ANK3: variants seen among roughly 807,000 people sequenced by gnomAD.
ANK3 encodes ankyrin 3.
Under a neutral mutation model 370.9 loss-of-function variants are expected in ANK3, and 57 were observed. The ratio of observed to expected loss-of-function variants is 0.15; its 90% CI spans 0.12 to 0.19. The LOEUF is 0.19. Among genes scored for constraint, ANK3 ranks in the 10% least tolerant of loss-of-function variants. The pLI is 1.00. For synonymous variants in ANK3, 1,929 were observed against 1,946.3 expected (o/e 0.99, Z 0.23); for missense variants, 4,439 against 5,302.1 (o/e 0.84, Z 5.06).
At chr10:60,365,744 T>C (rs1006016880) in intron 1 of ANK3, among the ~76,000 whole-genome samples, 7 of 152,118 alleles carry the variant, frequency 4.6e-5, no homozygotes, top group Non-Finnish European at 1.0e-4. Context: ...ATCTTATACA[T>C]GAGGAAATTG....
chr10:60,054,544 C>T (rs761361553), intron 42 of ANK3, among the ~76,000 whole-genome samples: 17 of 152,080 alleles, frequency 1.1e-4, no homozygotes, highest in Non-Finnish European at 1.9e-4. Context: ...TGATCTAGAA[C>T]TAAACTTCCT....
chr10:60,208,347 C>A (rs1040839894), intron 9 of ANK3, 114 bp from the exon 10 acceptor site: 4 of 894,958 alleles, frequency 4.5e-6, no homozygotes, highest in African/African-American at 1.7e-5. Context: ...ATGAAAATAC[C>A]TTCTATTTGT....
chr10:60,268,783 G>A (rs1245686630), intron 5 of ANK3, among the ~76,000 whole-genome samples: 3 of 152,058 alleles, frequency 2.0e-5, no homozygotes, highest in Admixed American at 2.0e-4. Flanking sequence ...AGTATTGTAG[G>A]AAAGTTCTGG....
chr10:60,147,337 T>A (rs2132236157), intron 23 of ANK3, among the ~76,000 whole-genome samples: 1 of 152,334 alleles, frequency 6.6e-6, no homozygotes, highest in African/African-American at 2.4e-5. Context: ...ATTCACTTCC[T>A]GCCCCCTTCA....
chr10:60,158,965 C>T (rs1315140991), intron 23 of ANK3, among the ~76,000 whole-genome samples: 1 of 151,710 alleles, frequency 6.6e-6, no homozygotes, highest in Non-Finnish European at 1.5e-5. Flanking sequence ...CATGAGCCAC[C>T]GTGCCCAGCC....
At position 60,070,370 on chromosome 10, in the gene ANK3, G is replaced by A; in HGVS notation, c.10511C>T (p.Thr3504Ile). The part of the protein sequence containing the change: ...TDQKSGAQFF[T>I]LEGRHPDRSV... The stretch of plus-strand genomic sequence containing the variant: ...TCTGTCAGGATGTCTGCCTTCCAGT[G>A]TGAAGAACTGGGCCCCTGACTTCTG... The change falls in exon 37 of 44, where the codon ACA (threonine) becomes ATA (isoleucine). Residue 3504 changes from threonine to isoleucine, a missense_variant. Physicochemically the swap from Thr to Ile is moderately conservative, Grantham distance 89. Around this residue, in one of 13 missense-constraint regions of ANK3, gnomAD observed 1,601 missense variants for 1,731.7 expected, o/e 0.92. Coordinates refer to ENST00000280772, the MANE Select transcript of ANK3 (RefSeq NM_020987.5). The surrounding 1 kb of genome is among the most constrained non-coding windows in gnomAD (Gnocchi z 5.7). The A allele has an allele frequency of 1.9e-6, 3 of 1,614,080 alleles. No homozygotes were observed. The highest frequency in any genetic ancestry group is 2.5e-6 in the Non-Finnish European group (3 of 1,180,008).
intron 2 of ANK3, among the ~76,000 whole-genome samples, chr10:60,470,180 G>T (rs1406163902): frequency 6.6e-6 from 1 of 152,094 alleles, no homozygotes. Context: ...TGAAGCATTT[G>T]AGCATTGAAG....
At chr10:60,686,794 ATGC>A (rs2079274018) in intron 1 of ANK3, among the ~76,000 whole-genome samples, 1 of 152,206 alleles carries the variant, frequency 6.6e-6, no homozygotes, top group Non-Finnish European at 1.5e-5. Flanking sequence ...TGTAACAAGC[ATGC>A]ATAAACTTAG....
intron 30 of ANK3, among the ~76,000 whole-genome samples, chr10:60,085,610 C>CTTTTTTTTT (rs10601268): frequency 1.8e-5 from 2 of 109,922 alleles, no homozygotes; most frequent in Non-Finnish European, 1.8e-5. Context: ...GTCTCTTACT[C>CTTTTTTTTT]TTTTTTTTTT....
intron 8 of ANK3, among the ~76,000 whole-genome samples, chr10:60,217,944 G>A (rs974531033): frequency 6.6e-6 from 1 of 152,124 alleles, no homozygotes; most frequent in African/African-American, 2.4e-5. Flanking sequence ...ATCTTTTATT[G>A]GGTGCCTATA....
At chr10:60,419,330 T>A (rs2132947715) in intron 2 of ANK3, among the ~76,000 whole-genome samples, 1 of 152,230 alleles carries the variant, frequency 6.6e-6, no homozygotes, top group African/African-American at 2.4e-5. Context: ...AAAATTTAAA[T>A]GATCTCAGAG....
chr10:60,562,730 C>T (rs2077367719), intron 2 of ANK3, among the ~76,000 whole-genome samples: 1 of 152,038 alleles, frequency 6.6e-6, no homozygotes. Flanking sequence ...TAGCTATTAA[C>T]ATAGCCATGG....
chr10:60,589,803 A>G (rs1021513776), intron 2 of ANK3, among the ~76,000 whole-genome samples: 1 of 152,200 alleles, frequency 6.6e-6, no homozygotes, highest in Non-Finnish European at 1.5e-5. Flanking sequence ...TATCACCACC[A>G]TTTTTTAAAT....
At chr10:60,210,559 A>C (rs775588192) in intron 9 of ANK3, among the ~76,000 whole-genome samples, 5 of 152,200 alleles carry the variant, frequency 3.3e-5, no homozygotes, top group Non-Finnish European at 5.9e-5. Flanking sequence ...TAAGAAGTCT[A>C]TCCTCAGTGC....
intron 12 of ANK3, 174 bp from the exon 13 acceptor site, chr10:60,200,401 T>C (rs1249626624): frequency 6.1e-6 from 4 of 656,190 alleles, no homozygotes; most frequent in Non-Finnish European, 1.1e-5. Flanking sequence ...ACCTGGTCCA[T>C]GAGGCAAAGA....
In ANK3 at chr10:60,068,815, C is replaced by T. The variant is rs1466275559; in HGVS notation, c.12066G>A (p.Gln4022=). The change falls in exon 37 of 44, where the codon CAG becomes CAA. Residue 4022 remains glutamine, a synonymous_variant. Coordinates refer to ENST00000280772, the MANE Select transcript of ANK3 (RefSeq NM_020987.5). The part of the protein sequence containing the change: ...DRLSEEEKKM[Q]SELSDEEEST... ...TTTCTTCCTCATCGGACAACTCGGA[C>T]TGCATCTTTTTTTCTTCTTCAGAGA... 1.2e-6 allele frequency: 2 copies of T among 1,614,196 alleles called. No homozygotes were observed. Among genetic ancestry groups the T allele is most frequent in the African/African-American group, 1.3e-5 (1 of 75,046 alleles).
chr10:60,269,854 A>G (rs532430814), intron 5 of ANK3, among the ~76,000 whole-genome samples: 3 of 152,274 alleles, frequency 2.0e-5, no homozygotes, highest in Admixed American at 2.0e-4. Context: ...ATTGTAAGAG[A>G]CAGAAAAGAA....
chr10:60,335,628 A>G, intron 1 of ANK3, among the ~76,000 whole-genome samples: 1 of 152,232 alleles, frequency 6.6e-6, no homozygotes, highest in East Asian at 1.9e-4. Context: ...GATTTTGAGC[A>G]ACTACAGATG....
intron 7 of ANK3, among the ~76,000 whole-genome samples, 160 bp downstream of exon 7, chr10:60,261,699 T>C (rs1230578887): frequency 6.6e-6 from 1 of 152,222 alleles, no homozygotes; most frequent in Non-Finnish European, 1.5e-5. Context: ...GGCACACCTA[T>C]GTAAAATCAA....
Sources: allele counts gnomAD v4.1 joint callset (sites outside exome capture counted in the v4.1 genomes callset), GRCh38; gene constraint gnomAD v4.1.1; regional missense constraint gnomAD v4.1.1; non-coding constraint Gnocchi (gnomAD v3.1); transcripts MANE v1.5; gene names NCBI Gene and HGNC (gene_info 2026-07-23, HGNC 2026-07-21).